TRMT44: variants seen among roughly 807,000 people sequenced by gnomAD.
The protein encoded by TRMT44 is probable tRNA (uracil-O(2)-)-methyltransferase.
A neutral mutation model predicts 77.3 loss-of-function variants in TRMT44; 78 were observed. That is an observed-to-expected ratio of 1.01 (90% CI 0.84 to 1.22). The LOEUF (loss-of-function observed/expected upper bound fraction) is 1.22. TRMT44 is among the 50% of genes most tolerant of loss of function. TRMT44 has a pLI of 0.00. For missense variants in TRMT44, 1,090 were observed against 964.4 expected (o/e 1.13, Z -1.73); for synonymous variants, 391 against 383.3 (o/e 1.02, Z -0.23).
At position 8,492,288 on chromosome 4, in the gene TRMT44, A is replaced by G. The variant is rs1182344541; in HGVS notation, n.3892-978A>G. On this transcript the variant is annotated intron_variant and non_coding_transcript_variant, in intron 2 of 2. Coordinates refer to the TRMT44 transcript ENST00000511366. ...ATCATGTAAACCACCCGGAACTGGC[A>G]GTAAATCTGATACCAAAGTCAGGTC... Among the ~76,000 whole-genome samples, 7 of 152,374 alleles carry G rather than the reference A, an allele frequency of 4.6e-5. 1 individual carries two copies. The highest frequency in any genetic ancestry group is 1.7e-4 in the African/African-American group (7 of 41,584).
downstream of TRMT44, chr4:8,478,703 G>C (rs1240610672): frequency 6.6e-6 from 1 of 152,300 alleles, no homozygotes; most frequent in African/African-American, 2.4e-5. Context: ...TGGACAGGTG[G>C]GATCGAGGGA....
intron 1 of TRMT44, among the ~76,000 whole-genome samples, chr4:8,442,814 C>T (rs560442811): frequency 1.2e-4 from 18 of 152,236 alleles, no homozygotes; most frequent in Non-Finnish European, 2.5e-4. Context: ...TACTTGGAAT[C>T]TCTCTGCCTT....
chr4:8,490,006 A>AT (rs1204283733), intron 2 of TRMT44, among the ~76,000 whole-genome samples: 3 of 152,006 alleles, frequency 2.0e-5, no homozygotes, highest in African/African-American at 7.3e-5. Flanking sequence ...ATGTTTTCAG[A>AT]TTTTTTGCAT....
chr4:8,448,864 C>G (rs1725237658), intron 2 of TRMT44, among the ~76,000 whole-genome samples: 1 of 152,256 alleles, frequency 6.6e-6, no homozygotes, highest in Non-Finnish European at 1.5e-5. Flanking sequence ...GTGAGGCCCT[C>G]CGGCTCTGCC....
intron 1 of TRMT44, among the ~76,000 whole-genome samples, chr4:8,445,597 T>C (rs1181129137): frequency 2.0e-5 from 3 of 152,222 alleles, no homozygotes; most frequent in Non-Finnish European, 2.9e-5. Flanking sequence ...CTCCTTCGGC[T>C]CTCTGCTCAA....
intron 3 of TRMT44, among the ~76,000 whole-genome samples, chr4:8,450,234 C>T (rs910806871): frequency 6.6e-6 from 1 of 151,974 alleles, no homozygotes; most frequent in East Asian, 1.9e-4. Context: ...CCGTGTCCAG[C>T]TCACCCTTAA....
At chr4:8,489,402 A>G (rs1294174060) in intron 2 of TRMT44, among the ~76,000 whole-genome samples, 2 of 152,214 alleles carry the variant, frequency 1.3e-5, no homozygotes. Flanking sequence ...CTTTCCCTCA[A>G]TTATTCCTGG....
intron 8 of TRMT44, among the ~76,000 whole-genome samples, 195 bp downstream of exon 8, chr4:8,465,756 C>T (rs1394635430): frequency 6.6e-6 from 1 of 152,148 alleles, no homozygotes; most frequent in Non-Finnish European, 1.5e-5. Flanking sequence ...TTAAAGGCAC[C>T]CGGTGCTCCC....
At chr4:8,492,605 C>A (rs561977140) in intron 2 of TRMT44, among the ~76,000 whole-genome samples, 1 of 152,260 alleles carries the variant, frequency 6.6e-6, no homozygotes, top group African/African-American at 2.4e-5. Flanking sequence ...TTAGGGCAAA[C>A]CTGCCTCTCA....
intron 2 of TRMT44, among the ~76,000 whole-genome samples, chr4:8,449,023 T>C (rs113462711): frequency 0.016 from 2,440 of 152,328 alleles, 18 homozygotes; most frequent in Middle Eastern, 0.037. Context: ...AGTGTATTGT[T>C]ATCTGGGTTT....
chr4:8,475,259 G>GC (rs1727298679), intron 10 of TRMT44, among the ~76,000 whole-genome samples: 1 of 152,222 alleles, frequency 6.6e-6, no homozygotes. Context: ...CGGGGCTGCA[G>GC]CACAGATGTT....
chr4:8,468,565 C>T (rs1352781921), intron 9 of TRMT44: 3 of 602,798 alleles, frequency 5.0e-6, no homozygotes, highest in Non-Finnish European at 8.8e-6. Flanking sequence ...CAGGGAGTGA[C>T]AGAGTTTGGA....
At position 8,471,158 on chromosome 4, in the gene TRMT44, G is replaced by A; in HGVS notation, c.2002G>A (p.Gly668Ser). Residue 668 changes from glycine (G) to serine (S), a missense_variant, in exon 10 of 11, where the codon GGC (glycine) becomes AGC (serine). Coordinates refer to ENST00000389737, the MANE Select transcript of TRMT44 (RefSeq NM_152544.3). The stretch of plus-strand genomic sequence containing the variant: ...GCGGAGGCTGAAGCGGGAGTGTGGG[G>A]GCCTGCAGACGCTGCTCCGGAACAG... ...TLRRLKRECG[G>S]LQTLLRNSHQ... The A allele has an allele frequency of 6.2e-7, 1 of 1,609,068 alleles. No homozygotes were observed. The highest frequency in any genetic ancestry group is 2.2e-5 in the East Asian group (1 of 44,522).
Position 8,456,810 on chromosome 4 carries a change from G to C in TRMT44, c.1203+1997G>C, listed in dbSNP as rs186895280. Among the ~76,000 whole-genome samples the C allele has an allele frequency of 2.0e-5, 3 of 152,258 alleles. No individual in the cohort carries two copies. In the East Asian group the frequency reaches 5.8e-4, roughly 29 times the overall value. Reference sequence around the variant, plus strand: ...TTTGATAGTTTTAGAAAGTGACTTGGGTTGTAAAAATATCTAGATAACAGG... The same window carrying C: ...TTTGATAGTTTTAGAAAGTGACTTGCGTTGTAAAAATATCTAGATAACAGG... On this transcript the variant is annotated intron_variant, in intron 6 of 10. Coordinates refer to ENST00000389737, the MANE Select transcript of TRMT44 (RefSeq NM_152544.3).
the TRMT44 span, among the ~76,000 whole-genome samples, chr4:8,507,778 C>T: frequency 1.3e-5 from 2 of 152,340 alleles, no homozygotes; most frequent in South Asian, 4.1e-4. Flanking sequence ...CCGGCCCCCG[C>T]TCCTTCACCC....
rs192490250 is a variant in TRMT44 at position 8,488,343 on chromosome 4, G to A, written n.3892-4923G>A. Among the ~76,000 whole-genome samples, 604 of 152,308 alleles carry A rather than the reference G, an allele frequency of 4.0e-3. 3 individuals are homozygous for A. Among genetic ancestry groups the A allele is most frequent in the Non-Finnish European group, 4.9e-3 (332 of 68,036 alleles). On this transcript the variant is annotated intron_variant and non_coding_transcript_variant, in intron 2 of 2. Coordinates refer to the TRMT44 transcript ENST00000511366. ...GTTTATTTCACCTGGGTGCAGGTGG[G>A]CTGAGTCCAAAAGAGTCAGCGAAGG... is the stretch of plus-strand genomic sequence containing the variant.
At chr4:8,460,033 TG>T (rs1726051936) in intron 6 of TRMT44, among the ~76,000 whole-genome samples, 1 of 152,202 alleles carries the variant, frequency 6.6e-6, no homozygotes, top group African/African-American at 2.4e-5. Flanking sequence ...CAGCCAGCCC[TG>T]GGCACTAGAG....
intron 2 of TRMT44, among the ~76,000 whole-genome samples, chr4:8,448,571 T>C (rs1193361710): frequency 6.6e-6 from 1 of 152,136 alleles, no homozygotes; most frequent in Non-Finnish European, 1.5e-5. Context: ...TTGGGCAGAA[T>C]CTCTGCAGCG....
At chr4:8,467,716 G>A (rs932469542) in intron 8 of TRMT44, among the ~76,000 whole-genome samples, 198 bp from the exon 9 acceptor site, 3 of 152,176 alleles carry the variant, frequency 2.0e-5, no homozygotes, top group Admixed American at 6.5e-5. Flanking sequence ...CAAGTGATCC[G>A]CCTGCCTTGG....
Sources: allele counts gnomAD v4.1 joint callset (sites outside exome capture counted in the v4.1 genomes callset), GRCh38; gene constraint gnomAD v4.1.1; transcripts MANE v1.5; gene names NCBI Gene and HGNC (gene_info 2026-07-23, HGNC 2026-07-21).